The following GSTCD variants were observed in gnomAD, a reference collection of about 807,000 sequenced individuals.
The protein encoded by GSTCD is glutathione S-transferase C-terminal domain containing.
A neutral mutation model predicts 68.3 loss-of-function variants in GSTCD; 44 were observed. The ratio of observed to expected loss-of-function variants is 0.64; its 90% CI spans 0.51 to 0.83. The LOEUF (loss-of-function observed/expected upper bound fraction) is 0.83, where lower values mean the gene tolerates loss of function less well. Among genes scored for constraint, GSTCD ranks in the 40% least tolerant of loss-of-function variants. The probability of loss-of-function intolerance (pLI) is 0.00; values close to 1 mark genes in which losing one functional copy is unlikely to be tolerated. For missense variants in GSTCD, 739 were observed against 735.9 expected (o/e 1.00, Z -0.05); for synonymous variants, 273 against 255.2 (o/e 1.07, Z -0.67).
chr4:105,732,961 C>T (rs942335289), intron 5 of GSTCD, among the ~76,000 whole-genome samples: 1 of 152,174 alleles, frequency 6.6e-6, no homozygotes, highest in African/African-American at 2.4e-5. Context: ...AGTAGTCATT[C>T]AGGAGCAGGT....
At chr4:105,761,762 CAG>C (rs1330294823) in intron 5 of GSTCD, 4 of 152,142 alleles carry the variant, frequency 2.6e-5, no homozygotes, top group East Asian at 1.9e-4. Context: ...TAACAAAAAA[CAG>C]AGAAAATTAT....
chr4:105,772,829 G>T (rs530558148), intron 5 of GSTCD, among the ~76,000 whole-genome samples: 15 of 152,116 alleles, frequency 9.9e-5, no homozygotes, highest in African/African-American at 3.6e-4. Flanking sequence ...TTTTTTTGTT[G>T]TGTCTCTGCC....
At chr4:105,835,342 T>C (rs1724070400) in intron 9 of GSTCD, among the ~76,000 whole-genome samples, 1 of 151,538 alleles carries the variant, frequency 6.6e-6, no homozygotes, top group Non-Finnish European at 1.5e-5. Flanking sequence ...AGGTACAGAG[T>C]GGTGAGGGGT....
At chr4:105,742,798 T>A (rs1324658507) in intron 5 of GSTCD, among the ~76,000 whole-genome samples, 2 of 151,108 alleles carry the variant, frequency 1.3e-5, no homozygotes, top group African/African-American at 4.9e-5. Context: ...CATTGCAGCC[T>A]CTAACTATTG....
In GSTCD at chr4:105,751,371, G is replaced by A. The variant is rs550991528; in HGVS notation, c.1240+21872G>A. ...ACCTTTTTTCAAACAGAAGAATTGG[G>A]GAGATGGATTGTAAATCAAATGATA... On this transcript the variant is annotated intron_variant, in intron 5 of 11. Transcript: ENST00000515279. Among the ~76,000 whole-genome samples, 9 of 152,188 alleles carry A rather than the reference G, an allele frequency of 5.9e-5. No individual in the cohort carries two copies. In the East Asian group the frequency reaches 1.7e-3, roughly 29 times the overall value.
intron 7 of GSTCD, among the ~76,000 whole-genome samples, chr4:105,824,264 A>T (rs1417761764): frequency 6.6e-6 from 1 of 152,126 alleles, no homozygotes; most frequent in Non-Finnish European, 1.5e-5. Flanking sequence ...ATAAATAAGG[A>T]ATCCTGGGAG....
rs192530268 is a variant in GSTCD, at chr4:105,743,186, A to G, written c.1240+13687A>G. Reference sequence around the variant, plus strand: ...AGGATGGTCTCGATCTCCTGACCTCATGATCTGCCCCCCTTGGCCTCCCAA... The same window carrying G: ...AGGATGGTCTCGATCTCCTGACCTCGTGATCTGCCCCCCTTGGCCTCCCAA... On this transcript the variant is annotated intron_variant, in intron 5 of 11. Coordinates refer to ENST00000515279, the MANE Select transcript of GSTCD (RefSeq NM_001370181.1). 4.5e-3 allele frequency among the ~76,000 whole-genome samples: 691 copies of G among 152,048 alleles called. 5 individuals are homozygous for G. The East Asian group carries it at 0.048, about 10-fold the overall frequency.
intron 5 of GSTCD, chr4:105,815,129 C>T (rs902046158): frequency 6.6e-6 from 1 of 152,126 alleles, no homozygotes. Flanking sequence ...ACATAAATAA[C>T]CTCTGCAAAG....
At chr4:105,726,431 G>C (rs934680157) in intron 3 of GSTCD, 148 bp from the exon 4 acceptor site, 14 of 570,048 alleles carry the variant, frequency 2.5e-5, no homozygotes, top group African/African-American at 2.5e-4. Context: ...TCTAAAACTA[G>C]ATGGTTGATA....
At chr4:105,762,278 A>C (rs1022529591) in intron 5 of GSTCD, among the ~76,000 whole-genome samples, 2 of 152,170 alleles carry the variant, frequency 1.3e-5, no homozygotes, top group African/African-American at 4.8e-5. Context: ...TGAAATCCTA[A>C]ATGAATATAT....
At chr4:105,769,231 G>A (rs868087993) in intron 5 of GSTCD, among the ~76,000 whole-genome samples, 817 of 60,172 alleles carry the variant, frequency 0.014, 4 homozygotes, top group Admixed American at 0.018. Context: ...CTATACACGC[G>A]CGCACACACA....
At chr4:105,787,510 G>A (rs1474294308) in intron 5 of GSTCD, among the ~76,000 whole-genome samples, 3 of 152,024 alleles carry the variant, frequency 2.0e-5, no homozygotes, top group East Asian at 1.9e-4. Flanking sequence ...CTGACTCAGC[G>A]GGCCTAAGGA....
At chr4:105,806,979 C>T (rs1722528282) in intron 5 of GSTCD, among the ~76,000 whole-genome samples, 2 of 152,060 alleles carry the variant, frequency 1.3e-5, no homozygotes, top group Non-Finnish European at 1.5e-5. Flanking sequence ...TCCCTTACCT[C>T]ACTTAGCCCT....
intron 5 of GSTCD, among the ~76,000 whole-genome samples, chr4:105,745,501 G>T (rs1456796139): frequency 6.6e-6 from 1 of 152,172 alleles, no homozygotes; most frequent in Non-Finnish European, 1.5e-5. Context: ...CCTTCTCTGT[G>T]TGATGAACAA....
chr4:105,747,706 G>GAAGTGA (rs1733852099), intron 5 of GSTCD, among the ~76,000 whole-genome samples: 1 of 152,008 alleles, frequency 6.6e-6, no homozygotes, highest in Admixed American at 6.6e-5. Flanking sequence ...AATATAAGTG[G>GAAGTGA]AAGTGAAAGT....
intron 5 of GSTCD, among the ~76,000 whole-genome samples, chr4:105,766,128 G>A (rs1343463664): frequency 6.6e-6 from 1 of 152,162 alleles, no homozygotes; most frequent in African/African-American, 2.4e-5. Context: ...TGATATAGGT[G>A]ATGAAAGCTC....
intron 3 of GSTCD, among the ~76,000 whole-genome samples, chr4:105,725,866 T>G (rs72671854): frequency 0.054 from 8,148 of 152,076 alleles, 255 homozygotes; most frequent in Middle Eastern, 0.14. Context: ...ATGACTAAAA[T>G]CAAACAGACT....
At chr4:105,735,864 A>G (rs563316996) in intron 5 of GSTCD, among the ~76,000 whole-genome samples, 1 of 152,270 alleles carries the variant, frequency 6.6e-6, no homozygotes, top group Non-Finnish European at 1.5e-5. Flanking sequence ...TCCAGGTAAC[A>G]TGTCATACTT....
chr4:105,813,777 T>G (rs1722852852), intron 5 of GSTCD, among the ~76,000 whole-genome samples: 1 of 152,186 alleles, frequency 6.6e-6, no homozygotes, highest in African/African-American at 2.4e-5. Context: ...CTTCTTTTTA[T>G]TCAAATTTCA....
Sources: gnomAD v4.1 joint callset for allele counts (sites outside exome capture counted in the v4.1 genomes callset) on GRCh38, gnomAD v4.1.1 for gene constraint, MANE v1.5 for transcripts, NCBI Gene and HGNC (gene_info 2026-07-23, HGNC 2026-07-21) for gene names.